Variants in SEM1 observed in about 807,000 individuals in gnomAD.
SEM1 encodes the protein 26S proteasome complex subunit SEM1.
In SEM1, 3 loss-of-function variants were observed where a neutral mutation model predicts 12.7. The ratio of observed to expected loss-of-function variants is 0.24; its 90% CI spans 0.11 to 0.61. The LOEUF (loss-of-function observed/expected upper bound fraction) is 0.61. Ranked by LOEUF, SEM1 falls within the 20% of genes least tolerant of loss-of-function variation. SEM1 has a pLI of 0.88. For synonymous variants in SEM1, 30 were observed against 27.8 expected (o/e 1.08, Z -0.25); for missense variants, 59 against 81.3 (o/e 0.73, Z 1.06).
intron 2 of SEM1, among the ~76,000 whole-genome samples, chr7:96,515,993 T>G (rs921800086): frequency 9.2e-5 from 14 of 152,092 alleles, no homozygotes; most frequent in African/African-American, 3.1e-4. Context: ...AATTGCATGT[T>G]GTGCACATGT....
intron 2 of SEM1, among the ~76,000 whole-genome samples, chr7:96,585,670 T>C (rs1465256521): frequency 6.6e-6 from 1 of 152,232 alleles, no homozygotes; most frequent in African/African-American, 2.4e-5. Flanking sequence ...AATCTCCTGA[T>C]GCGCTGTTTT....
chr7:96,545,002 TA>T (rs2115805837), intron 2 of SEM1, among the ~76,000 whole-genome samples: 1 of 152,112 alleles, frequency 6.6e-6, no homozygotes, highest in African/African-American at 2.4e-5. Context: ...AGCTGTCTTT[TA>T]AAGGCTTATT....
chr7:96,502,847 G>T (rs1023543224), intron 3 of SEM1, among the ~76,000 whole-genome samples: 2 of 152,204 alleles, frequency 1.3e-5, no homozygotes, highest in African/African-American at 4.8e-5. Context: ...GGGGCCAAAT[G>T]AATGTGGACA....
At chr7:96,644,838 G>T (rs1270494428) in intron 2 of SEM1, among the ~76,000 whole-genome samples, 1 of 152,142 alleles carries the variant, frequency 6.6e-6, no homozygotes, top group Non-Finnish European at 1.5e-5. Flanking sequence ...ATTAACTTGT[G>T]TGAGTATTCT....
At chr7:96,572,998 A>C in intron 2 of SEM1, among the ~76,000 whole-genome samples, 1 of 152,162 alleles carries the variant, frequency 6.6e-6, no homozygotes, top group African/African-American at 2.4e-5. Context: ...TAGGATAGTT[A>C]GCTCTTCTTG....
chr7:96,563,879 A>ATT (rs5885968), intron 2 of SEM1, among the ~76,000 whole-genome samples: 2 of 151,694 alleles, frequency 1.3e-5, no homozygotes, highest in African/African-American at 4.8e-5. Flanking sequence ...AAAAATTCAC[A>ATT]TTTTTTCTGA....
rs142554628 is a variant in SEM1, at chr7:96,569,437, A to G, written c.171-62739T>C. On this transcript the variant is annotated intron_variant and NMD_transcript_variant, in intron 2 of 3. Transcript: ENST00000466986. ...TGAAGTAAAATACTTTTCCCCAAAA[A>G]GTCTATGTGTGTTTAAAAAGAAGGT... Among the ~76,000 whole-genome samples, 209 of 152,162 alleles carry G rather than the reference A, an allele frequency of 1.4e-3. 1 individual carries two copies. Among genetic ancestry groups the G allele is most frequent in the African/African-American group, 4.9e-3 (203 of 41,538 alleles).
intron 2 of SEM1, among the ~76,000 whole-genome samples, chr7:96,569,834 G>T (rs1805961334): frequency 6.6e-6 from 1 of 152,164 alleles, no homozygotes; most frequent in African/African-American, 2.4e-5. Context: ...ATAATGGCCT[G>T]TAGTTCCATT....
At chr7:96,577,113 G>A (rs1258509308) in intron 2 of SEM1, among the ~76,000 whole-genome samples, 2 of 17,060 alleles carry the variant, frequency 1.2e-4, no homozygotes, top group Non-Finnish European at 4.0e-4. Context: ...GCAAAACTCT[G>A]TCAAAAAAAA....
chr7:96,699,408 A>G (rs1216588527), intron 1 of SEM1, among the ~76,000 whole-genome samples: 4 of 152,354 alleles, frequency 2.6e-5, no homozygotes, highest in Admixed American at 2.6e-4. Context: ...TGCCTAAAGG[A>G]AACTTACACA....
intron 2 of SEM1, among the ~76,000 whole-genome samples, chr7:96,559,046 C>G (rs1233402892): frequency 6.6e-6 from 1 of 152,130 alleles, no homozygotes; most frequent in African/African-American, 2.4e-5. Flanking sequence ...ATGTGATCCA[C>G]AGAGCTAGCT....
chr7:96,697,470 A>G (rs1790132502), intron 1 of SEM1: 2 of 152,100 alleles, frequency 1.3e-5, no homozygotes, highest in East Asian at 3.9e-4. Flanking sequence ...TGCAACATAC[A>G]TTTCCAAATT....
chr7:96,516,811 G>A (rs1345490106), intron 2 of SEM1, among the ~76,000 whole-genome samples: 2 of 152,038 alleles, frequency 1.3e-5, no homozygotes, highest in Non-Finnish European at 2.9e-5. Flanking sequence ...GCCCAAATTT[G>A]GAAGGAACCA....
At chr7:96,514,318 TC>T (rs1192434269) in intron 2 of SEM1, among the ~76,000 whole-genome samples, 2 of 152,158 alleles carry the variant, frequency 1.3e-5, no homozygotes, top group East Asian at 3.9e-4. Flanking sequence ...GGTTAAGCAA[TC>T]CTCCCATCTC....
At chr7:96,653,597 T>C (rs1358449068) in intron 2 of SEM1, 5 of 152,244 alleles carry the variant, frequency 3.3e-5, no homozygotes, top group Middle Eastern at 3.2e-3. Flanking sequence ...GTCGTGATAG[T>C]TGATAACAAC....
At chr7:96,684,410 C>T (rs910763790), downstream of SEM1, among the ~76,000 whole-genome samples, 1 of 151,684 alleles carries the variant, frequency 6.6e-6, no homozygotes, top group African/African-American at 2.4e-5. Flanking sequence ...ATGGTGTTGG[C>T]TTGCCTTGTG....
intron 1 of SEM1, among the ~76,000 whole-genome samples, chr7:96,495,898 C>G (rs1037368105): frequency 2.6e-5 from 4 of 152,062 alleles, no homozygotes; most frequent in African/African-American, 9.7e-5. Context: ...AACCTGAGAT[C>G]TATCTCTCCC....
chr7:96,513,869 A>AT (rs1404308382), intron 2 of SEM1, among the ~76,000 whole-genome samples: 1 of 152,068 alleles, frequency 6.6e-6, no homozygotes, highest in Non-Finnish European at 1.5e-5. Context: ...ATTATACCAT[A>AT]GATATTGCTA....
chr7:96,560,326 C>T (rs956152146), intron 2 of SEM1, among the ~76,000 whole-genome samples: 8 of 152,048 alleles, frequency 5.3e-5, no homozygotes, highest in South Asian at 2.1e-4. Flanking sequence ...ATTTATTATA[C>T]GTGTTTGACA....
Sources: gnomAD v4.1 joint callset for allele counts (sites outside exome capture counted in the v4.1 genomes callset) on GRCh38, gnomAD v4.1.1 for gene constraint, MANE v1.5 for transcripts, NCBI Gene and HGNC (gene_info 2026-07-23, HGNC 2026-07-21) for gene names.